Variants in IFT74 observed in about 807,000 individuals in gnomAD.
IFT74 encodes intraflagellar transport 74.
IFT74 carries 92 observed loss-of-function variants against 96.7 expected under a neutral mutation model. The ratio of observed to expected loss-of-function variants is 0.95; its 90% CI spans 0.80 to 1.13. The LOEUF is 1.13. IFT74 is among the 50% of genes most tolerant of loss of function. IFT74 has a pLI of 0.00. For synonymous variants in IFT74, 223 were observed against 213.2 expected (o/e 1.05, Z -0.40); for missense variants, 811 against 698.2 (o/e 1.16, Z -1.82).
rs985220760 is a variant in IFT74, at chr9:26,978,192, C to T, written c.185C>T (p.Ser62Phe). Reference sequence around the variant, plus strand: ...CCCATAGGGACTGGTGGAGTTCTGTCTTCTCAAATCAAAGTTGCCCATCGC... The same window carrying T: ...CCCATAGGGACTGGTGGAGTTCTGTTTTCTCAAATCAAAGTTGCCCATCGC... ...GCPIGTGGVL[S>F]SQIKVAHRPV... The change falls in exon 3 of 20, where the codon TCT (serine) becomes TTT (phenylalanine). Residue 62 changes from serine to phenylalanine, a missense_variant. Coordinates refer to ENST00000380062, the MANE Select transcript of IFT74 (RefSeq NM_025103.4). The T allele has an allele frequency of 5.6e-6, 9 of 1,613,488 alleles. No homozygotes were observed. Among genetic ancestry groups the T allele is most frequent in the Non-Finnish European group, 7.6e-6 (9 of 1,179,866 alleles).
intron 13 of IFT74, among the ~76,000 whole-genome samples, chr9:27,037,762 C>T (rs928876301): frequency 2.0e-5 from 3 of 152,202 alleles, no homozygotes; most frequent in Non-Finnish European, 2.9e-5. Context: ...AATTGCCTAC[C>T]TGTGTTCTGG....
chr9:26,948,281 C>A, intron 1 of IFT74, among the ~76,000 whole-genome samples: 1 of 152,156 alleles, frequency 6.6e-6, no homozygotes, highest in East Asian at 1.9e-4. Flanking sequence ...TTCTAGCTAT[C>A]TGTTAGAAAT....
intron 2 of IFT74, among the ~76,000 whole-genome samples, chr9:26,966,351 T>C (rs1363316345): frequency 6.6e-6 from 1 of 152,122 alleles, no homozygotes; most frequent in Non-Finnish European, 1.5e-5. Flanking sequence ...TGCCTTTCTT[T>C]TGGATAAAAG....
intron 1 of IFT74, among the ~76,000 whole-genome samples, chr9:26,956,940 C>A (rs570806646): frequency 6.6e-6 from 1 of 152,330 alleles, no homozygotes; most frequent in South Asian, 2.1e-4. Context: ...TAATTAGAAG[C>A]AGATGTTTTA....
intron 8 of IFT74, chr9:26,996,470 GGTA>G (rs1828163656): frequency 6.6e-7 from 1 of 1,520,444 alleles, no homozygotes; most frequent in East Asian, 2.4e-5. Flanking sequence ...AGGCTGTTGG[GGTA>G]GCTACACATG....
chr9:26,970,699 T>G (rs1826843307), intron 2 of IFT74, among the ~76,000 whole-genome samples: 1 of 152,202 alleles, frequency 6.6e-6, no homozygotes, highest in African/African-American at 2.4e-5. Flanking sequence ...CCTTAACTCA[T>G]TTTATTTGAA....
At chr9:27,043,753 C>G (rs1819575077) in intron 13 of IFT74, among the ~76,000 whole-genome samples, 1 of 152,170 alleles carries the variant, frequency 6.6e-6, no homozygotes, top group Non-Finnish European at 1.5e-5. Flanking sequence ...TTGATTCCTC[C>G]CTGTTTAACC....
At chr9:26,995,700 C>G in intron 8 of IFT74, 2 of 1,613,886 alleles carry the variant, frequency 1.2e-6, no homozygotes. Flanking sequence ...GTTTCTGCTT[C>G]ATGCTCTTCC....
chr9:26,968,158 G>T (rs1478442537), intron 2 of IFT74, among the ~76,000 whole-genome samples: 1 of 150,080 alleles, frequency 6.7e-6, no homozygotes, highest in Admixed American at 6.7e-5. Context: ...AATAGTTTTA[G>T]TAGGATCAGT....
At chr9:27,027,188 C>T (rs1829906448) in intron 12 of IFT74, among the ~76,000 whole-genome samples, 1 of 152,022 alleles carries the variant, frequency 6.6e-6, no homozygotes, top group Non-Finnish European at 1.5e-5. Flanking sequence ...CAGTGAGCAC[C>T]TTTACACGCA....
chr9:27,008,756 T>C (rs1828908405), intron 8 of IFT74, among the ~76,000 whole-genome samples: 1 of 152,166 alleles, frequency 6.6e-6, no homozygotes, highest in East Asian at 1.9e-4. Context: ...TTGTGATTTC[T>C]TAGTAAAATA....
chr9:27,036,608 C>G (rs1328653257), intron 13 of IFT74: 13 of 1,539,268 alleles, frequency 8.4e-6, no homozygotes, highest in Non-Finnish European at 1.0e-5. Context: ...CAGTCTCTCT[C>G]TAGCACCCAC....
At chr9:26,978,930 C>A (rs1237456547) in intron 3 of IFT74, among the ~76,000 whole-genome samples, 1 of 152,046 alleles carries the variant, frequency 6.6e-6, no homozygotes, top group African/African-American at 2.4e-5. Flanking sequence ...AAATTTAGAT[C>A]TGTGGTATAT....
intron 2 of IFT74, among the ~76,000 whole-genome samples, chr9:26,966,476 T>C (rs74721453): frequency 0.047 from 7,200 of 152,238 alleles, 224 homozygotes; most frequent in South Asian, 0.13. Context: ...ATATCTTCTT[T>C]TGAGAAGTTG....
At position 26,995,485 on chromosome 9, in the gene IFT74, G is replaced by T; in HGVS notation, c.587+5290G>T. 6 of 1,245,760 alleles carry T rather than the reference G, an allele frequency of 4.8e-6. No individual in the cohort carries two copies. The South Asian group carries it at 7.6e-5, about 16-fold the overall frequency. The allele number at this position is 1,245,760 out of a possible 1,614,324, so 77.2% of individuals were successfully genotyped here. ...TCTCCATATCTAAACTGAGTGAGCT[G>T]ATAACTTTGCTTTAAAAAGCAAACT... On this transcript the variant is annotated intron_variant, in intron 8 of 19. Coordinates refer to ENST00000380062, the MANE Select transcript of IFT74 (RefSeq NM_025103.4).
At position 27,047,306 on chromosome 9, in the gene IFT74, C is replaced by T. The variant is rs764979540; in HGVS notation, c.1141C>T (p.Gln381Ter). The T allele has an allele frequency of 6.2e-7, 1 of 1,612,860 alleles. No individual in the cohort carries two copies. The highest frequency in any genetic ancestry group is 1.7e-5 in the Admixed American group (1 of 59,962). ...FIETFEETKN[Q>*]ELKRKAQIEA... ...TGAGACTTTTGAGGAAACAAAGAAT[C>T]AGGAACTGAAACGAAAGGCACAGAT... Residue 381 changes from glutamine to a stop codon, truncating the protein, a stop_gained, in exon 15 of 20, where the codon CAG (glutamine) becomes TAG (stop). Coordinates refer to ENST00000380062, the MANE Select transcript of IFT74 (RefSeq NM_025103.4). LOFTEE classifies it high-confidence loss of function.
Position 27,044,635 on chromosome 9 carries a change from G to A in IFT74, c.1055-107G>A, listed in dbSNP as rs553282812. 1.3e-4 allele frequency: 84 copies of A among 636,342 alleles called. 2 individuals carry two copies. The highest frequency in any genetic ancestry group is 1.0e-3 in the South Asian group (49 of 47,102). 39.4% of individuals were successfully genotyped at this position (636,342 alleles called of 1,614,324 possible). A position where few individuals can be genotyped will look rare whatever the true frequency, so the allele number is the denominator to read the frequency against. On this transcript the variant is annotated intron_variant, in intron 13 of 19. Coordinates refer to ENST00000380062, the MANE Select transcript of IFT74 (RefSeq NM_025103.4). ...AGAATTTCACCTAATCGAACACGTC[G>A]AATAGTCAATGACTAATGGCATAGA...
chr9:26,964,654 A>G (rs1181789463), intron 2 of IFT74, among the ~76,000 whole-genome samples: 1 of 152,112 alleles, frequency 6.6e-6, no homozygotes, highest in Non-Finnish European at 1.5e-5. Context: ...CTCTTTCTGT[A>G]TTAAGACCAC....
At chr9:26,992,155 G>A (rs1245922908) in intron 8 of IFT74, among the ~76,000 whole-genome samples, 1 of 151,924 alleles carries the variant, frequency 6.6e-6, no homozygotes, top group Non-Finnish European at 1.5e-5. Context: ...ACCTAGGTCA[G>A]GTTTTAAATA....
Sources: allele counts gnomAD v4.1 joint callset (sites outside exome capture counted in the v4.1 genomes callset), GRCh38; gene constraint gnomAD v4.1.1; transcripts MANE v1.5; gene names NCBI Gene and HGNC (gene_info 2026-07-23, HGNC 2026-07-21).